SLIT3: variants seen among roughly 807,000 people sequenced by gnomAD.
The protein encoded by SLIT3 is slit homolog 3 protein.
SLIT3 carries 68 observed loss-of-function variants against 184.0 expected under a neutral mutation model. The ratio of observed to expected loss-of-function variants is 0.37; its 90% CI spans 0.30 to 0.45. The LOEUF is 0.45. Ranked by LOEUF, SLIT3 falls within the 20% of genes least tolerant of loss-of-function variation. SLIT3 has a pLI of 1.00. For synonymous variants in SLIT3, 831 were observed against 828.6 expected, an observed-to-expected ratio of 1.00 and a Z score of -0.05; for missense variants, 1,707 against 2,026.0, an observed-to-expected ratio of 0.84 and a Z score of 3.02.
chr5:168,849,275 G>GTGGA (rs1222518374), intron 5 of SLIT3, among the ~76,000 whole-genome samples: 1 of 152,194 alleles, frequency 6.6e-6, no homozygotes, highest in Non-Finnish European at 1.5e-5. Context: ...ATCTCATCAG[G>GTGGA]TGGATGGTTA....
At chr5:169,101,926 C>A (rs553287960) in intron 4 of SLIT3, among the ~76,000 whole-genome samples, 20 of 152,338 alleles carry the variant, frequency 1.3e-4, no homozygotes, top group Non-Finnish European at 2.4e-4. Flanking sequence ...ATCCCCTCTA[C>A]TCCAGACTGG....
intron 1 of SLIT3, among the ~76,000 whole-genome samples, chr5:169,284,497 C>G (rs975380877): frequency 3.3e-5 from 5 of 152,148 alleles, no homozygotes; most frequent in Non-Finnish European, 5.9e-5. Context: ...CAAAAGAACA[C>G]AAATTGTTAA....
intron 4 of SLIT3, among the ~76,000 whole-genome samples, chr5:168,997,857 CT>C (rs1402370584): frequency 1.3e-5 from 2 of 152,170 alleles, no homozygotes; most frequent in African/African-American, 4.8e-5. Context: ...GTCCTTGGCA[CT>C]TCACATCCAC....
chr5:168,753,172 G>A (rs1754776758), intron 17 of SLIT3, 74 bp from the exon 18 acceptor site: 1 of 1,520,138 alleles, frequency 6.6e-7, no homozygotes, highest in African/African-American at 1.4e-5. Context: ...ACGGTGGTGT[G>A]TGTGTGTGTA....
chr5:169,098,966 C>T (rs183551037), intron 4 of SLIT3, among the ~76,000 whole-genome samples: 1 of 152,200 alleles, frequency 6.6e-6, no homozygotes, highest in Admixed American at 6.5e-5. Context: ...CAGGTCAGAT[C>T]TCAGATGCCT....
At chr5:169,077,085 C>G (rs1364433282) in intron 4 of SLIT3, among the ~76,000 whole-genome samples, 1 of 152,162 alleles carries the variant, frequency 6.6e-6, no homozygotes, top group Non-Finnish European at 1.5e-5. Context: ...ACAGCAAGAA[C>G]AAACTCTCCT....
At chr5:168,939,821 G>C (rs780127753) in intron 4 of SLIT3, among the ~76,000 whole-genome samples, 1 of 152,182 alleles carries the variant, frequency 6.6e-6, no homozygotes, top group South Asian at 2.1e-4. Context: ...AATGCCAGTG[G>C]CTATCATGTT....
intron 10 of SLIT3, among the ~76,000 whole-genome samples, chr5:168,793,148 C>T (rs1490790499): frequency 6.6e-6 from 1 of 152,142 alleles, no homozygotes; most frequent in South Asian, 2.1e-4. Context: ...TTAGTTTGTA[C>T]TTGGAATGTT....
At chr5:168,786,214 T>G (rs1364823594) in intron 11 of SLIT3, among the ~76,000 whole-genome samples, 1 of 152,182 alleles carries the variant, frequency 6.6e-6, no homozygotes, top group Middle Eastern at 3.2e-3. Context: ...GCTCCATTCC[T>G]GGGCAACCTA....
intron 4 of SLIT3, among the ~76,000 whole-genome samples, chr5:169,183,297 C>A (rs297877): frequency 6.6e-6 from 1 of 152,078 alleles, no homozygotes; most frequent in Non-Finnish European, 1.5e-5. Flanking sequence ...TACTTTCATA[C>A]GTAGTAAAGA....
intron 4 of SLIT3, among the ~76,000 whole-genome samples, chr5:169,069,441 C>A (rs1185587320): frequency 6.6e-6 from 1 of 152,166 alleles, no homozygotes; most frequent in Non-Finnish European, 1.5e-5. Flanking sequence ...GTTCCACAGG[C>A]AGGGAGGCAG....
intron 14 of SLIT3, among the ~76,000 whole-genome samples, chr5:168,771,252 G>A (rs1415644501): frequency 6.6e-6 from 1 of 152,146 alleles, no homozygotes; most frequent in Non-Finnish European, 1.5e-5. Flanking sequence ...TTTCTTTCCA[G>A]AGATGTTGCC....
At chr5:169,071,887 A>G (rs1758560503) in intron 4 of SLIT3, among the ~76,000 whole-genome samples, 1 of 152,116 alleles carries the variant, frequency 6.6e-6, no homozygotes, top group Non-Finnish European at 1.5e-5. Flanking sequence ...TGGTTAGAGG[A>G]AGAAGGGGAG....
intron 1 of SLIT3, among the ~76,000 whole-genome samples, chr5:169,278,242 T>G (rs544592665): frequency 4.5e-4 from 69 of 152,322 alleles, no homozygotes; most frequent in African/African-American, 1.6e-3. Context: ...CGACCATCTG[T>G]ACCACCTTTC....
At chr5:169,179,973 G>C (rs1488431526) in intron 4 of SLIT3, among the ~76,000 whole-genome samples, 1 of 152,186 alleles carries the variant, frequency 6.6e-6, no homozygotes, top group African/African-American at 2.4e-5. Context: ...ATGGGGGGAT[G>C]AAAGAGCAAA....
At chr5:169,068,153 T>A (rs954459744) in intron 4 of SLIT3, among the ~76,000 whole-genome samples, 1 of 152,144 alleles carries the variant, frequency 6.6e-6, no homozygotes, top group African/African-American at 2.4e-5. Flanking sequence ...CCCTCTCAGT[T>A]GTAAAAGTAC....
At chr5:169,224,575 C>G (rs12516235) in intron 3 of SLIT3, among the ~76,000 whole-genome samples, 22,623 of 152,018 alleles carry the variant, frequency 0.15, 2,036 homozygotes, top group East Asian at 0.44. Context: ...ACCATGTGGT[C>G]CATACTGGTT....
At chr5:169,063,670 A>T (rs1758252554) in intron 4 of SLIT3, among the ~76,000 whole-genome samples, 1 of 152,226 alleles carries the variant, frequency 6.6e-6, no homozygotes, top group African/African-American at 2.4e-5. Flanking sequence ...GGACACCATA[A>T]ATCAGGACCC....
At chr5:168,740,893 G>A (rs1763609133) in intron 20 of SLIT3, among the ~76,000 whole-genome samples, 1 of 152,234 alleles carries the variant, frequency 6.6e-6, no homozygotes, top group Non-Finnish European at 1.5e-5. Flanking sequence ...CCTTTGACAT[G>A]TGTCACTTGG....
Sources: allele counts gnomAD v4.1 joint callset (sites outside exome capture counted in the v4.1 genomes callset), GRCh38; gene constraint gnomAD v4.1.1; transcripts MANE v1.5; gene names NCBI Gene and HGNC (gene_info 2026-07-23, HGNC 2026-07-21).